Variants in LRRC69 observed in about 807,000 individuals in gnomAD.
The protein encoded by LRRC69 is leucine-rich repeat-containing protein 69.
Under a neutral mutation model 37.8 loss-of-function variants are expected in LRRC69, and 42 were observed. The observed-to-expected ratio is 1.11, with a 90% CI of 0.87 to 1.44. The LOEUF is 1.44. LRRC69 is among the 40% of genes most tolerant of loss of function. LRRC69 has a pLI of 0.00. For missense variants in LRRC69, 357 were observed against 401.9 expected, an observed-to-expected ratio of 0.89 and a Z score of 0.96; for synonymous variants, 141 against 143.1, an observed-to-expected ratio of 0.99 and a Z score of 0.11.
At chr8:91,163,946 T>C (rs1255969479) in intron 5 of LRRC69, among the ~76,000 whole-genome samples, 1 of 151,464 alleles carries the variant, frequency 6.6e-6, no homozygotes, top group Non-Finnish European at 1.5e-5. Flanking sequence ...AAATAAAAAT[T>C]CAGCTCTTGA....
intron 6 of LRRC69, among the ~76,000 whole-genome samples, chr8:91,199,185 T>C (rs1809671722): frequency 6.6e-6 from 1 of 152,218 alleles, no homozygotes; most frequent in Non-Finnish European, 1.5e-5. Flanking sequence ...AGCCCACCTA[T>C]AAAATCAGTA....
intron 5 of LRRC69, among the ~76,000 whole-genome samples, chr8:91,150,031 C>G (rs1808700835): frequency 6.6e-6 from 1 of 151,970 alleles, no homozygotes; most frequent in African/African-American, 2.4e-5. Context: ...CATCTGCAAA[C>G]AGGGACAATT....
chr8:91,102,846 T>C lies in LRRC69; in HGVS notation c.183+2T>C, dbSNP rs1813245074. On this transcript the variant is annotated splice_donor_variant, in intron 1 of 7. Coordinates refer to ENST00000448384, the Ensembl canonical transcript of LRRC69. LOFTEE classifies it high-confidence loss of function. ...CCAGAGTTATGCAACTTGACCCAGG[T>C]GAGGAACAGTGTTTTGCTGTTGTGG... 1 of 1,540,258 alleles carries C rather than the reference T, an allele frequency of 6.5e-7. No homozygotes were observed. The highest frequency in any genetic ancestry group is 1.4e-5 in the African/African-American group (1 of 72,400).
intron 5 of LRRC69, among the ~76,000 whole-genome samples, chr8:91,156,544 G>A (rs1808838147): frequency 6.6e-6 from 1 of 150,796 alleles, no homozygotes; most frequent in African/African-American, 2.4e-5. Context: ...TCAGTTGATT[G>A]TTTCCTTTAA....
At chr8:91,183,614 T>TA (rs559492690) in intron 5 of LRRC69, among the ~76,000 whole-genome samples, 12,835 of 144,816 alleles carry the variant, frequency 0.089, 597 homozygotes, top group Middle Eastern at 0.17. Flanking sequence ...TGAATATGGG[T>TA]AAAAAAAAAA....
intron 7 of LRRC69, among the ~76,000 whole-genome samples, chr8:91,213,550 A>G (rs1471120000): frequency 2.0e-5 from 3 of 152,252 alleles, no homozygotes; most frequent in East Asian, 1.9e-4. Context: ...GCGAATAAGT[A>G]GGAGACCTAG....
intron 5 of LRRC69, among the ~76,000 whole-genome samples, chr8:91,164,104 A>G (rs1808989851): frequency 2.0e-5 from 3 of 151,502 alleles, no homozygotes; most frequent in Non-Finnish European, 4.4e-5. Flanking sequence ...AGTGGGATCA[A>G]ATAAATTTAT....
intron 5 of LRRC69, among the ~76,000 whole-genome samples, chr8:91,166,217 G>C (rs572868589): frequency 6.6e-6 from 1 of 151,694 alleles, no homozygotes; most frequent in Non-Finnish European, 1.5e-5. Flanking sequence ...CAGGAACATA[G>C]CAAGTACTTT....
At chr8:91,183,956 AT>A (rs1321884314) in intron 5 of LRRC69, among the ~76,000 whole-genome samples, 3 of 151,890 alleles carry the variant, frequency 2.0e-5, no homozygotes, top group Non-Finnish European at 4.4e-5. Flanking sequence ...TTTACCATTC[AT>A]TTTTTTTAAA....
At chr8:91,109,769 C>A (rs762598568) in intron 1 of LRRC69, among the ~76,000 whole-genome samples, 1 of 152,032 alleles carries the variant, frequency 6.6e-6, no homozygotes. Context: ...GCCATGGAAA[C>A]TTCCCCTCAA....
At chr8:91,173,962 A>T (rs1278720850) in intron 5 of LRRC69, among the ~76,000 whole-genome samples, 1 of 134,324 alleles carries the variant, frequency 7.4e-6, no homozygotes, top group Non-Finnish European at 1.7e-5. Context: ...ACAAAAGCTG[A>T]TCCTAACAAG....
intron 5 of LRRC69, chr8:91,158,135 C>T: frequency 6.3e-7 from 1 of 1,598,016 alleles, no homozygotes; most frequent in Non-Finnish European, 8.6e-7. Flanking sequence ...AGGTGAAACT[C>T]TCACTTACCT....
At chr8:91,201,007 A>G (rs1403887150) in intron 7 of LRRC69, among the ~76,000 whole-genome samples, 5 of 152,348 alleles carry the variant, frequency 3.3e-5, no homozygotes, top group African/African-American at 1.2e-4. Flanking sequence ...ATCAAAATAC[A>G]TGGATTCTAG....
At position 91,128,174 on chromosome 8, in the gene LRRC69, G is replaced by T. The variant is rs77063225; in HGVS notation, c.383+1014G>T. On this transcript the variant is annotated intron_variant, in intron 3 of 7. Transcript: ENST00000448384. The stretch of plus-strand genomic sequence containing the variant: ...GGAGATCTCATGAATGAGGTTCAGG[G>T]CATATCTCTGTGCAACTAGATTTAT... 5.9e-3 allele frequency among the ~76,000 whole-genome samples: 902 copies of T among 151,958 alleles called. 11 individuals carry two copies. Among genetic ancestry groups the T allele is most frequent in the Non-Finnish European group, 9.9e-3 (671 of 68,000 alleles).
At chr8:91,203,990 C>T (rs1301069108) in intron 7 of LRRC69, among the ~76,000 whole-genome samples, 1 of 151,684 alleles carries the variant, frequency 6.6e-6, no homozygotes, top group South Asian at 2.1e-4. Context: ...GGTGTGGTGG[C>T]GGGCACCTAT....
intron 6 of LRRC69, among the ~76,000 whole-genome samples, chr8:91,196,136 T>G (rs556252981): frequency 3.2e-4 from 48 of 151,954 alleles, no homozygotes; most frequent in African/African-American, 1.2e-3. Flanking sequence ...AATTCTGGGT[T>G]GAAAATTCTT....
At chr8:91,105,406 C>T (rs946351430) in intron 1 of LRRC69, among the ~76,000 whole-genome samples, 9 of 151,712 alleles carry the variant, frequency 5.9e-5, no homozygotes, top group Non-Finnish European at 1.2e-4. Flanking sequence ...GCAGATGGCC[C>T]GGTGCAGTGG....
intron 6 of LRRC69, among the ~76,000 whole-genome samples, chr8:91,196,604 A>T (rs1287498853): frequency 1.3e-5 from 2 of 151,870 alleles, no homozygotes; most frequent in African/African-American, 4.8e-5. Flanking sequence ...TTCATCTTCC[A>T]TCGCTGATAC....
rs5893165 is a variant in LRRC69, at chr8:91,201,514, AT to A, written c.933+731del. On this transcript the variant is annotated intron_variant, in intron 7 of 7. Transcript: ENST00000448384. Reference sequence around the variant, plus strand: ...TATCATGAAATATTATTTTATTTTGATTTTTTTTTCAACCATTTAAAAATGT... The same window carrying A: ...TATCATGAAATATTATTTTATTTTGATTTTTTTTCAACCATTTAAAAATGT... Among the ~76,000 whole-genome samples the A allele has an allele frequency of 4.0e-5, 6 of 151,380 alleles. No homozygotes were observed. In the South Asian group the frequency reaches 1.0e-3, roughly 26 times the overall value.
Sources: allele counts gnomAD v4.1 joint callset (sites outside exome capture counted in the v4.1 genomes callset), GRCh38; gene constraint gnomAD v4.1.1; transcripts MANE v1.5; gene names NCBI Gene and HGNC (gene_info 2026-07-23, HGNC 2026-07-21).